DBR1: variants seen among roughly 807,000 people sequenced by gnomAD.
DBR1 encodes lariat debranching enzyme.
In DBR1, 33 loss-of-function variants were observed where a neutral mutation model predicts 45.9. The ratio of observed to expected loss-of-function variants is 0.72; its 90% CI spans 0.55 to 0.96. DBR1 has a LOEUF of 0.96. Among genes scored for constraint, DBR1 ranks in the 40% least tolerant of loss-of-function variants. DBR1 has a pLI of 0.00. For synonymous variants in DBR1, 235 were observed against 235.9 expected (o/e 1.00, Z 0.04); for missense variants, 619 against 667.4 (o/e 0.93, Z 0.80).
Position 138,162,289 on chromosome 3 carries a change from C to A in DBR1, c.1235G>T (p.Ser412Ile). ...AGCAGATGTGTCTGTATTATATTCACTCTGGTCTTCTCCAGAGTCATTACT... is the reference window on the plus strand; with the variant it reads ...AGCAGATGTGTCTGTATTATATTCAATCTGGTCTTCTCCAGAGTCATTACT... ...VESNDSGEDQ[S>I]EYNTDTSALS... is the part of the protein sequence containing the mutation. Residue 412 changes from serine to isoleucine, a missense_variant, in exon 8 of 8, where the codon AGT (serine) becomes ATT (isoleucine). By Grantham distance (142) the Ser-to-Ile change is moderately radical (BLOSUM62 -2). This residue lies in a region of DBR1 where 182 missense variants were observed against 196.1 expected (regional missense o/e 0.93). Coordinates refer to ENST00000260803, the MANE Select transcript of DBR1 (RefSeq NM_016216.4). The A allele has an allele frequency of 6.2e-7, 1 of 1,614,202 alleles. No individual in the cohort carries two copies. The highest frequency in any genetic ancestry group is 2.2e-5 in the East Asian group (1 of 44,884).
In DBR1 at chr3:138,163,821, A is replaced by T. The variant is rs2042918669; in HGVS notation, c.752T>A (p.Phe251Tyr). The T allele has an allele frequency of 6.2e-7, 1 of 1,613,128 alleles. No individual in the cohort carries two copies. The highest frequency in any genetic ancestry group is 1.3e-5 in the African/African-American group (1 of 74,892). The change falls in exon 6 of 8, where the codon TTT becomes TAT. Residue 251 changes from phenylalanine (F) to tyrosine (Y), a missense_variant. Transcript: ENST00000260803. ...DKGQTARATK[F>Y]LALDKCLPHR... is the part of the protein sequence containing the mutation. ...TGGTAAGCATTTGTCCAAGGCTAAA[A>T]ATTTGGTTGCTCTGGCTGTCTGTCC...
At chr3:138,173,415 C>T (rs1212004728) in intron 2 of DBR1, 87 bp downstream of exon 2, 2 of 1,323,444 alleles carry the variant, frequency 1.5e-6, no homozygotes, top group Non-Finnish European at 2.1e-6. Context: ...AAACACCATA[C>T]ATGTCAAGAC....
intron 5 of DBR1, among the ~76,000 whole-genome samples, chr3:138,165,767 C>T (rs1211818495): frequency 6.6e-5 from 10 of 151,990 alleles, no homozygotes; most frequent in Admixed American, 6.6e-4. Flanking sequence ...AGATTATAGG[C>T]AGATATTGGC....
rs1044712977 is a variant in DBR1, at chr3:138,164,085, C to T, written c.715-227G>A. 6 of 354,722 alleles carry T rather than the reference C, an allele frequency of 1.7e-5. No individual in the cohort carries two copies. In the East Asian group the frequency reaches 2.5e-4, roughly 15 times the overall value. 22.0% of individuals were successfully genotyped at this position (354,722 alleles called of 1,614,324 possible). ...TTCAATTTCCATACAAAATTCAAGG[C>T]AAAAACTAATGATGATGATGATGTT... On this transcript the variant is annotated intron_variant, in intron 5 of 7. Transcript: ENST00000260803.
chr3:138,174,230 T>C (rs2042968206), intron 1 of DBR1, among the ~76,000 whole-genome samples: 1 of 152,074 alleles, frequency 6.6e-6, no homozygotes, highest in South Asian at 2.1e-4. Context: ...AATGAACTAA[T>C]TCCAGAGTCC....
At chr3:138,170,800 A>T (rs2042950392) in intron 3 of DBR1, among the ~76,000 whole-genome samples, 1 of 152,248 alleles carries the variant, frequency 6.6e-6, no homozygotes, top group Non-Finnish European at 1.5e-5. Flanking sequence ...ATCAAAGTAT[A>T]ATTCATTCAG....
chr3:138,166,395 G>A (rs757344273), intron 5 of DBR1, among the ~76,000 whole-genome samples: 2 of 152,044 alleles, frequency 1.3e-5, no homozygotes, highest in Admixed American at 6.6e-5. Context: ...TCACCAAATC[G>A]CAATGATTCT....
chr3:138,170,412 G>C (rs2042948932), intron 3 of DBR1, among the ~76,000 whole-genome samples: 1 of 152,160 alleles, frequency 6.6e-6, no homozygotes, highest in South Asian at 2.1e-4. Context: ...ACACATGGTT[G>C]CTGGCACACT....
At chr3:138,164,535 A>G (rs2042921757) in intron 5 of DBR1, among the ~76,000 whole-genome samples, 1 of 152,240 alleles carries the variant, frequency 6.6e-6, no homozygotes, top group African/African-American at 2.4e-5. Flanking sequence ...GCAGGCACAA[A>G]GGATCTTTGG....
Position 138,167,207 on chromosome 3 carries a change from GAAAA to G in DBR1, c.584_587del (p.Phe195SerfsTer10). On this transcript the variant is annotated frameshift_variant, in exon 5 of 8. Coordinates refer to ENST00000260803, the MANE Select transcript of DBR1 (RefSeq NM_016216.4). LOFTEE classifies it high-confidence loss of function. ...ATGTGTTATTTTCCACTTCTTGTCG[GAAAA>G]AAGATTTAGTCTTAAGAAGTTGCTT... The G allele has an allele frequency of 6.2e-7, 1 of 1,613,162 alleles. No homozygotes were observed. Among genetic ancestry groups the G allele is most frequent in the Non-Finnish European group, 8.5e-7 (1 of 1,179,732 alleles).
intron 2 of DBR1, among the ~76,000 whole-genome samples, chr3:138,172,865 G>C (rs753003583): frequency 2.0e-5 from 3 of 151,982 alleles, no homozygotes; most frequent in Non-Finnish European, 4.4e-5. Flanking sequence ...GCCTTGTCTG[G>C]GTCCTATTTA....
intron 3 of DBR1, 130 bp from the exon 4 acceptor site, chr3:138,170,322 A>G: frequency 1.7e-6 from 1 of 582,438 alleles, no homozygotes; most frequent in Admixed American, 3.9e-5. Flanking sequence ...TTATCTAGGG[A>G]AATTTTTTAA....
intron 2 of DBR1, 128 bp downstream of exon 2, chr3:138,173,374 C>G: frequency 1.1e-6 from 1 of 909,570 alleles, no homozygotes; most frequent in Admixed American, 2.8e-5. Context: ...TAAATTTTCA[C>G]GATTAAGTAT....
intron 2 of DBR1, 33 bp downstream of exon 2, chr3:138,173,469 G>GA (rs771605497): frequency 1.1e-5 from 18 of 1,607,024 alleles, no homozygotes; most frequent in African/African-American, 2.7e-5. Flanking sequence ...TCCATCCCAG[G>GA]AAAAAAAAGT....
chr3:138,165,442 A>C (rs1346280724), intron 5 of DBR1, among the ~76,000 whole-genome samples: 19 of 152,154 alleles, frequency 1.2e-4, no homozygotes, highest in Non-Finnish European at 2.1e-4. Flanking sequence ...GAAAAATGGA[A>C]GGCATGGCCA....
chr3:138,168,758 A>C (rs944306046), intron 4 of DBR1, among the ~76,000 whole-genome samples: 1 of 152,082 alleles, frequency 6.6e-6, no homozygotes, highest in Non-Finnish European at 1.5e-5. Context: ...AGAGTTTGAG[A>C]CCAGCCTGGG....
intron 2 of DBR1, 68 bp downstream of exon 2, chr3:138,173,434 A>C: frequency 6.5e-7 from 1 of 1,546,828 alleles, no homozygotes. Flanking sequence ...ACACAGTCCA[A>C]CTAACGCAAA....
rs1429604940 is a variant in DBR1, at chr3:138,174,765, C to T, written c.31G>A (p.Gly11Ser). 6 of 1,611,532 alleles carry T rather than the reference C, an allele frequency of 3.7e-6. No homozygotes were observed. The highest frequency in any genetic ancestry group is 5.1e-6 in the Non-Finnish European group (6 of 1,179,598). The stretch of plus-strand genomic sequence containing the variant: ...GTCTCATAGATCTTATCCAGCTCGC[C>T]GTGGCAGCAGCCAGCCACAGCCACC... MRVAVAGCCHGELDKIYETLA... is the reference protein window; with the variant it reads MRVAVAGCCHSELDKIYETLA... Residue 11 changes from glycine (G) to serine (S), a missense_variant, in exon 1 of 8, where the codon GGC becomes AGC. By Grantham distance (56) the Gly-to-Ser change is moderately conservative (BLOSUM62 0). Transcript: ENST00000260803.
rs2042948319 is a variant in DBR1, at chr3:138,170,254, C to T, written c.404-62G>A. 6.8e-6 allele frequency: 7 copies of T among 1,032,116 alleles called. No individual in the cohort carries two copies. The South Asian group carries it at 9.8e-5, about 15-fold the overall frequency. The allele number at this position is 1,032,116 out of a possible 1,614,324, so 63.9% of individuals were successfully genotyped here. A position where few individuals can be genotyped will look rare whatever the true frequency, so the allele number is the denominator to read the frequency against. On this transcript the variant is annotated intron_variant, in intron 3 of 7. Transcript: ENST00000260803. ...TCCTTAAATACTGCAAATACAAAGA[C>T]ATATACACAGGTCTCCAAAATATCA... is the stretch of plus-strand genomic sequence containing the variant.
Sources: gnomAD v4.1 joint callset for allele counts (sites outside exome capture counted in the v4.1 genomes callset) on GRCh38, gnomAD v4.1.1 for gene constraint, gnomAD v4.1.1 regional missense constraint, MANE v1.5 for transcripts, NCBI Gene and HGNC (gene_info 2026-07-23, HGNC 2026-07-21) for gene names.